The following RTN4 variants were observed in gnomAD, a reference collection of about 807,000 sequenced individuals.
RTN4 encodes the protein reticulon-4.
RTN4 carries 32 observed loss-of-function variants against 90.4 expected under a neutral mutation model. That is an observed-to-expected ratio of 0.35 (90% CI 0.27 to 0.48). RTN4 has a LOEUF of 0.48. Ranked by LOEUF, RTN4 falls within the 20% of genes least tolerant of loss-of-function variation. The pLI, the probability that RTN4 is intolerant of heterozygous loss-of-function variation, is 0.99. For synonymous variants in RTN4, 629 were observed against 552.5 expected, an observed-to-expected ratio of 1.14 and a Z score of -1.94; for missense variants, 1,706 against 1,430.2, an observed-to-expected ratio of 1.19 and a Z score of -3.11.
rs779098940 is a variant in RTN4 at position 54,987,551 on chromosome 2, A to C, written c.3161T>G (p.Phe1054Cys). ...TTGGATCACACCCTTGTATATCCTA[A>C]AGCTGATGGTCACAGAGAGCAGGGC... ...ALALLSVTIS[F>C]RIYKGVIQAI... Residue 1054 changes from phenylalanine to cysteine, a missense_variant, in exon 4 of 9, where the codon TTT becomes TGT. By Grantham distance (205) the Phe-to-Cys change is radical (BLOSUM62 -2). Transcript: ENST00000337526. The C allele has an allele frequency of 1.2e-6, 2 of 1,614,170 alleles. No individual in the cohort carries two copies.
chr2:55,050,344 CG>C lies in RTN4; in HGVS notation c.-45del. 3 of 1,284,250 alleles carry C rather than the reference CG, an allele frequency of 2.3e-6. No individual in the cohort carries two copies. Among genetic ancestry groups the C allele is most frequent in the South Asian group, 2.0e-5 (1 of 50,216 alleles). 79.6% of individuals were successfully genotyped at this position (1,284,250 alleles called of 1,614,324 possible). The stretch of plus-strand genomic sequence containing the variant: ...ATGCTGCAGCTGCTGCCGCCGCCGC[CG>C]GGGCCGCGTCTCAGAGCCGCGGGCG... On this transcript the variant is annotated 5_prime_UTR_variant, in exon 1 of 9. Coordinates refer to ENST00000337526, the MANE Select transcript of RTN4 (RefSeq NM_020532.5). The surrounding 1 kb of genome is among the most constrained non-coding windows in gnomAD (Gnocchi z 4.6).
Position 55,025,428 on chromosome 2 carries a change from C to T in RTN4, c.2671G>A (p.Asp891Asn), listed in dbSNP as rs1354219630. Reference protein sequence around the residue: ...SFSKLAREYTDLEVSHKSEIA... With the variant: ...SFSKLAREYTNLEVSHKSEIA... ...TCACTTTTGTGGGATACTTCTAGGTCAGTATATTCCCTGGCTAATTTAGAA... is the reference window on the plus strand; with the variant it reads ...TCACTTTTGTGGGATACTTCTAGGTTAGTATATTCCCTGGCTAATTTAGAA... The change falls in exon 3 of 9, where the codon GAC becomes AAC. Residue 891 changes from aspartate (D) to asparagine (N), a missense_variant. Asp to Asn is a conservative substitution (Grantham distance 23). Transcript: ENST00000337526. 1 of 1,613,866 alleles carries T rather than the reference C, an allele frequency of 6.2e-7. No homozygotes were observed. Among genetic ancestry groups the T allele is most frequent in the Non-Finnish European group, 8.5e-7 (1 of 1,179,864 alleles).
At chr2:55,004,220 C>T (rs554847146) in intron 3 of RTN4, among the ~76,000 whole-genome samples, 1 of 152,194 alleles carries the variant, frequency 6.6e-6, no homozygotes, top group East Asian at 1.9e-4. Flanking sequence ...GAGGACAATA[C>T]GAAAGAAGTA....
chr2:55,129,857 G>T, the RTN4 span, among the ~76,000 whole-genome samples: 6 of 151,870 alleles, frequency 4.0e-5, no homozygotes, highest in African/African-American at 1.5e-4. Context: ...CACCGTGCCC[G>T]GTCAACTCGT....
intron 1 of RTN4, among the ~76,000 whole-genome samples, chr2:55,084,167 T>C (rs1324549706): frequency 2.0e-5 from 3 of 152,024 alleles, no homozygotes; most frequent in Non-Finnish European, 4.4e-5. Flanking sequence ...AACTACGGGG[T>C]TCAGAGAGCT....
chr2:54,987,750 A>G, intron 3 of RTN4, 52 bp from the exon 4 acceptor site: 9 of 1,466,322 alleles, frequency 6.1e-6, no homozygotes, highest in Non-Finnish European at 8.4e-6. Context: ...ATCAATTTGG[A>G]TTTGCTCCAT....
intron 5 of RTN4, among the ~76,000 whole-genome samples, chr2:54,982,172 T>G (rs1052121038): frequency 6.6e-6 from 1 of 151,984 alleles, no homozygotes; most frequent in Non-Finnish European, 1.5e-5. Flanking sequence ...GCCAGGCTAG[T>G]CTCAAACTCC....
chr2:55,085,175 G>A (rs920580596), intron 1 of RTN4, among the ~76,000 whole-genome samples: 4 of 152,164 alleles, frequency 2.6e-5, no homozygotes, highest in Admixed American at 2.6e-4. Flanking sequence ...GTTCTCCAGA[G>A]AAATAGAACT....
chr2:55,048,205 G>C (rs964847059), intron 1 of RTN4, among the ~76,000 whole-genome samples: 46 of 152,242 alleles, frequency 3.0e-4, no homozygotes, highest in Admixed American at 1.2e-3. Flanking sequence ...CAGGGCACTG[G>C]CCATGAACAG....
chr2:55,080,313 C>A (rs1668685966), intron 2 of RTN4, among the ~76,000 whole-genome samples: 1 of 152,058 alleles, frequency 6.6e-6, no homozygotes, highest in South Asian at 2.1e-4. Context: ...CCAATATGCC[C>A]AGCCATATTT....
chr2:55,048,082 A>C (rs1667870329), intron 1 of RTN4, among the ~76,000 whole-genome samples: 1 of 152,218 alleles, frequency 6.6e-6, no homozygotes, highest in Non-Finnish European at 1.5e-5. Flanking sequence ...TAGGCTACTA[A>C]CCTATACAGG....
intron 1 of RTN4, among the ~76,000 whole-genome samples, chr2:55,029,881 C>T (rs1682176044): frequency 6.6e-6 from 1 of 152,066 alleles, no homozygotes; most frequent in Admixed American, 6.6e-5. Flanking sequence ...AGATTACTTG[C>T]TATGTGATCT....
intron 1 of RTN4, among the ~76,000 whole-genome samples, chr2:55,099,510 C>A (rs1180797610): frequency 6.6e-6 from 1 of 152,036 alleles, no homozygotes; most frequent in Non-Finnish European, 1.5e-5. Flanking sequence ...TAGACCTTGA[C>A]TCAGCCATTT....
rs185145803 is a variant in RTN4 at position 55,108,418 on chromosome 2, G to T, written c.-214+4102C>A. Reference sequence around the variant, plus strand: ...CAGGCAGGAGAGGGAGAAGGGTGAAGGGGCTCCAGCATCGGGGATGGGCCT... The same window carrying T: ...CAGGCAGGAGAGGGAGAAGGGTGAATGGGCTCCAGCATCGGGGATGGGCCT... On this transcript the variant is annotated intron_variant, in intron 1 of 3. Coordinates refer to the RTN4 transcript ENST00000427710. 4.6e-5 allele frequency among the ~76,000 whole-genome samples: 7 copies of T among 152,186 alleles called. No homozygotes were observed. In the East Asian group the frequency reaches 1.4e-3, roughly 29 times the overall value.
chr2:55,003,671 C>G (rs551817111), intron 3 of RTN4, among the ~76,000 whole-genome samples: 8 of 152,334 alleles, frequency 5.3e-5, no homozygotes, highest in African/African-American at 1.7e-4. Flanking sequence ...GGTTCCACAT[C>G]TGCGGATTCA....
At chr2:55,132,892 TG>T in the RTN4 span, among the ~76,000 whole-genome samples, 180 of 22,914 alleles carry the variant, frequency 7.9e-3, no homozygotes, top group Non-Finnish European at 0.018. Context: ...CCAGTTTTGT[TG>T]TTGTTTTTTT....
intron 1 of RTN4, among the ~76,000 whole-genome samples, chr2:55,107,769 A>C (rs1467111518): frequency 1.3e-5 from 2 of 152,070 alleles, no homozygotes; most frequent in African/African-American, 4.8e-5. Context: ...AGAGATCCCA[A>C]CTCAGGATTT....
intron 1 of RTN4, among the ~76,000 whole-genome samples, chr2:55,048,628 G>C (rs942304596): frequency 1.3e-5 from 2 of 152,086 alleles, no homozygotes; most frequent in African/African-American, 4.8e-5. Context: ...TGGAGCCACC[G>C]TTGCAAATGC....
chr2:55,129,763 G>A, the RTN4 span, among the ~76,000 whole-genome samples: 12 of 152,184 alleles, frequency 7.9e-5, no homozygotes, highest in East Asian at 1.7e-3. Flanking sequence ...GGGTTTCACC[G>A]TGTTAGCTAG....
Sources: gnomAD v4.1 joint callset for allele counts (sites outside exome capture counted in the v4.1 genomes callset) on GRCh38, gnomAD v4.1.1 for gene constraint, Gnocchi (gnomAD v3.1) non-coding constraint, MANE v1.5 for transcripts, NCBI Gene and HGNC (gene_info 2026-07-23, HGNC 2026-07-21) for gene names.